Variants in DNAI7 observed in about 807,000 individuals in gnomAD.
The protein encoded by DNAI7 is cancer susceptibility 1.
Under a neutral mutation model 86.6 loss-of-function variants are expected in DNAI7, and 78 were observed. The ratio of observed to expected loss-of-function variants is 0.90; its 90% CI spans 0.75 to 1.09. The LOEUF is 1.09. Among genes scored for constraint, DNAI7 ranks in the 50% least tolerant of loss-of-function variants. The probability of loss-of-function intolerance (pLI) is 0.00; values close to 1 mark genes in which losing one functional copy is unlikely to be tolerated. For missense variants in DNAI7, 753 were observed against 810.2 expected (o/e 0.93, Z 0.86); for synonymous variants, 274 against 273.0 (o/e 1.00, Z -0.04).
intron 9 of DNAI7, among the ~76,000 whole-genome samples, chr12:25,139,305 C>T (rs1276035283): frequency 6.6e-6 from 1 of 152,106 alleles, no homozygotes; most frequent in African/African-American, 2.4e-5. Context: ...GATACCAATC[C>T]TATTGACACT....
intron 4 of DNAI7, among the ~76,000 whole-genome samples, chr12:25,157,429 A>G (rs1389705687): frequency 1.3e-5 from 2 of 152,152 alleles, no homozygotes; most frequent in East Asian, 3.8e-4. Context: ...AACATATTGC[A>G]ACAGATGGAA....
intron 3 of DNAI7, among the ~76,000 whole-genome samples, chr12:25,160,103 CTT>C (rs1017937259): frequency 1.3e-5 from 2 of 151,836 alleles, no homozygotes; most frequent in Non-Finnish European, 2.9e-5. Flanking sequence ...CTCCTAATTT[CTT>C]TTTTTGTTTT....
intron 9 of DNAI7, among the ~76,000 whole-genome samples, chr12:25,138,960 C>T (rs932422472): frequency 3.3e-5 from 5 of 150,720 alleles, no homozygotes; most frequent in East Asian, 1.9e-4. Context: ...AGACCATTAG[C>T]GAGATTAACC....
intron 2 of DNAI7, among the ~76,000 whole-genome samples, chr12:25,178,076 A>G (rs1258285776): frequency 6.6e-5 from 10 of 152,112 alleles, no homozygotes; most frequent in Admixed American, 5.9e-4. Flanking sequence ...ATGCACTTCC[A>G]TTTTCCTTTC....
rs775744538 is a variant in DNAI7 at position 25,195,057 on chromosome 12, C to G, written c.3+19G>C. The G allele has an allele frequency of 1.2e-6, 2 of 1,614,238 alleles. No individual in the cohort carries two copies. Among genetic ancestry groups the G allele is most frequent in the Admixed American group, 3.3e-5 (2 of 60,028 alleles). ...CAGTGGTCGCCCCTCCACCTGTCTGCCTCATTTGCCTTGCTCACCATTAAG... is the reference window on the plus strand; with the variant it reads ...CAGTGGTCGCCCCTCCACCTGTCTGGCTCATTTGCCTTGCTCACCATTAAG... On this transcript the variant is annotated intron_variant, in intron 1 of 15. Coordinates refer to ENST00000395987, the MANE Select transcript of DNAI7 (RefSeq NM_018272.5).
chr12:25,164,781 T>C (rs1947252773), intron 2 of DNAI7, among the ~76,000 whole-genome samples: 1 of 151,982 alleles, frequency 6.6e-6, no homozygotes, highest in African/African-American at 2.4e-5. Context: ...AATCTTTCTT[T>C]TCTACAGACC....
At chr12:25,181,242 C>G (rs1949476441) in intron 2 of DNAI7, among the ~76,000 whole-genome samples, 1 of 152,146 alleles carries the variant, frequency 6.6e-6, no homozygotes, top group South Asian at 2.1e-4. Context: ...TCAGGAGTAG[C>G]TAGAATTACA....
intron 4 of DNAI7, among the ~76,000 whole-genome samples, chr12:25,158,186 A>G (rs1297466599): frequency 1.3e-5 from 2 of 151,962 alleles, no homozygotes; most frequent in South Asian, 2.1e-4. Context: ...CCAAGATCAC[A>G]CCACTGCACT....
At chr12:25,173,965 T>G (rs12367712) in intron 2 of DNAI7, among the ~76,000 whole-genome samples, 2 of 143,570 alleles carry the variant, frequency 1.4e-5, no homozygotes, top group South Asian at 4.2e-4. Context: ...ATATCATATA[T>G]ATGGAATACA....
At position 25,108,593 on chromosome 12, in the gene DNAI7, A is replaced by G. The variant is rs749904089; in HGVS notation, c.2124T>C (p.Ser708=). The G allele has an allele frequency of 1.2e-6, 2 of 1,613,950 alleles. No homozygotes were observed. The highest frequency in any genetic ancestry group is 1.6e-4 in the Middle Eastern group (1 of 6,062). ...VRSSNCQFVN[S]VCHMLLSTRL... Reference sequence around the variant, plus strand: ...TGGTAGAGAGCAGCATGTGGCACACAGAGTTGACAAACTGACAGTTGGAAC... The same window carrying G: ...TGGTAGAGAGCAGCATGTGGCACACGGAGTTGACAAACTGACAGTTGGAAC... The change falls in exon 16 of 16, where the codon TCT becomes TCC. Residue 708 remains serine, a synonymous_variant. Coordinates refer to ENST00000395987, the MANE Select transcript of DNAI7 (RefSeq NM_018272.5).
chr12:25,175,485 T>G (rs1335608609), intron 2 of DNAI7, among the ~76,000 whole-genome samples: 2 of 152,078 alleles, frequency 1.3e-5, no homozygotes, highest in Non-Finnish European at 2.9e-5. Flanking sequence ...TCAGCAGGAT[T>G]ACAGGTGCCT....
Position 25,182,605 on chromosome 12 carries a change from T to TACACACACACACACACAC in DNAI7, c.21+7991_21+8008dup, listed in dbSNP as rs71065917. On this transcript the variant is annotated intron_variant, in intron 2 of 15. Coordinates refer to ENST00000395987, the MANE Select transcript of DNAI7 (RefSeq NM_018272.5). ...GCCAGAGTGATAGAGTGAGACTGTC[T>TACACACACACACACACAC]ACACACACACACACACACACACACA... Among the ~76,000 whole-genome samples the TACACACACACACACACAC allele has an allele frequency of 7.5e-3, 988 of 132,164 alleles. 11 individuals carry two copies. The highest frequency in any genetic ancestry group is 0.027 in the Middle Eastern group (7 of 264). 86.7% of individuals were successfully genotyped at this position (132,164 alleles called of 152,430 possible). A position where few individuals can be genotyped will look rare whatever the true frequency, so the allele number is the denominator to read the frequency against.
intron 9 of DNAI7, among the ~76,000 whole-genome samples, chr12:25,137,763 G>C (rs1438412978): frequency 6.6e-6 from 1 of 152,104 alleles, no homozygotes; most frequent in African/African-American, 2.4e-5. Context: ...AGATAAAACA[G>C]ACTATAAACA....
intron 2 of DNAI7, among the ~76,000 whole-genome samples, chr12:25,162,990 C>G (rs1483190047): frequency 4.6e-5 from 7 of 152,234 alleles, no homozygotes; most frequent in African/African-American, 1.7e-4. Flanking sequence ...AGAGGACCCA[C>G]AGACCCTGTG....
At chr12:25,153,016 C>CT (rs1945740157) in intron 6 of DNAI7, among the ~76,000 whole-genome samples, 1 of 152,070 alleles carries the variant, frequency 6.6e-6, no homozygotes, top group Non-Finnish European at 1.5e-5. Context: ...CCCTTCTTTT[C>CT]TTTTTTAGCC....
At position 25,174,488 on chromosome 12, in the gene DNAI7, TCATATATCCCATATATATGG is replaced by T. The variant is rs1470662907; in HGVS notation, c.22-13311_22-13292del. Among the ~76,000 whole-genome samples the T allele has an allele frequency of 9.3e-4, 26 of 28,068 alleles. 2 individuals are homozygous for T. The highest frequency in any genetic ancestry group is 4.0e-3 in the East Asian group (5 of 1,242). 18.4% of individuals were successfully genotyped at this position (28,068 alleles called of 152,430 possible). A position where few individuals can be genotyped will look rare whatever the true frequency, so the allele number is the denominator to read the frequency against. ...ATATCATATATATGGGATATATATA[TCATATATCCCATATATATGG>T]GATATATATATCATATATATCATAT... On this transcript the variant is annotated intron_variant, in intron 2 of 15. Coordinates refer to ENST00000395987, the MANE Select transcript of DNAI7 (RefSeq NM_018272.5).
chr12:25,171,177 A>G (rs992552422), intron 2 of DNAI7, among the ~76,000 whole-genome samples: 1 of 152,196 alleles, frequency 6.6e-6, no homozygotes, highest in African/African-American at 2.4e-5. Context: ...AGATAAATGA[A>G]ACAAAAAGCT....
chr12:25,144,678 C>T lies in DNAI7; in HGVS notation c.690-1G>A, dbSNP rs759167422. The T allele has an allele frequency of 5.6e-6, 9 of 1,602,626 alleles. No individual in the cohort carries two copies. The highest frequency in any genetic ancestry group is 7.7e-6 in the Non-Finnish European group (9 of 1,174,372). On this transcript the variant is annotated splice_acceptor_variant, in intron 8 of 15. Coordinates refer to ENST00000395987, the MANE Select transcript of DNAI7 (RefSeq NM_018272.5). LOFTEE classifies it high-confidence loss of function. ...TTCAGAGAATCTAACACTTCTGTGC[C>T]TGTTAATAATTAATTACAACAAAAA...
At position 25,110,203 on chromosome 12, in the gene DNAI7, G is replaced by A. The variant is rs12581808; in HGVS notation, c.1817C>T (p.Ala606Val). Residue 606 changes from alanine (A) to valine (V), a missense_variant, in exon 15 of 16, where the codon GCC becomes GTC. By Grantham distance (64) the Ala-to-Val change is moderately conservative (BLOSUM62 0). Coordinates refer to ENST00000395987, the MANE Select transcript of DNAI7 (RefSeq NM_018272.5). ...AAATGCAAAAGCAGAACTTAGTAGG[G>A]CCATCTGTCGATAAGCTTTCACTTC... The part of the protein sequence containing the change: ...LVEVKAYRQM[A>V]LLSSAFAFGW... 4 of 1,611,134 alleles carry A rather than the reference G, an allele frequency of 2.5e-6. No homozygotes were observed. Among genetic ancestry groups the A allele is most frequent in the African/African-American group, 1.3e-5 (1 of 74,940 alleles).
Sources: allele counts gnomAD v4.1 joint callset (sites outside exome capture counted in the v4.1 genomes callset), GRCh38; gene constraint gnomAD v4.1.1; transcripts MANE v1.5; gene names NCBI Gene and HGNC (gene_info 2026-07-23, HGNC 2026-07-21).